The following DYNC1I1 variants were observed in gnomAD, a reference collection of about 807,000 sequenced individuals.
The protein encoded by DYNC1I1 is dynein cytoplasmic 1 intermediate chain 1.
DYNC1I1 carries 43 observed loss-of-function variants against 86.6 expected under a neutral mutation model. That is an observed-to-expected ratio of 0.50 (90% CI 0.39 to 0.64). The LOEUF is 0.64. Ranked by LOEUF, DYNC1I1 falls within the 30% of genes least tolerant of loss-of-function variation. DYNC1I1 has a pLI of 0.00. For missense variants in DYNC1I1, 604 were observed against 788.8 expected, an observed-to-expected ratio of 0.77 and a Z score of 2.81; for synonymous variants, 262 against 283.7, an observed-to-expected ratio of 0.92 and a Z score of 0.77.
chr7:96,106,347 A>C (rs1388088552), intron 16 of DYNC1I1, among the ~76,000 whole-genome samples: 3 of 152,116 alleles, frequency 2.0e-5, no homozygotes, highest in African/African-American at 7.2e-5. Context: ...CAACCTGACC[A>C]ACATGGTGAA....
chr7:96,006,109 T>A (rs1229751192), intron 10 of DYNC1I1, among the ~76,000 whole-genome samples: 1 of 152,194 alleles, frequency 6.6e-6, no homozygotes, highest in Non-Finnish European at 1.5e-5. Context: ...CATTTTGTTT[T>A]AAACATGGAG....
intron 9 of DYNC1I1, among the ~76,000 whole-genome samples, chr7:95,990,797 C>A (rs1426839434): frequency 6.6e-6 from 1 of 152,062 alleles, no homozygotes; most frequent in Non-Finnish European, 1.5e-5. Context: ...TGGGAGGCCA[C>A]AGCAGGAGGA....
At chr7:95,835,656 C>T (rs1789065430) in intron 5 of DYNC1I1, among the ~76,000 whole-genome samples, 2 of 152,062 alleles carry the variant, frequency 1.3e-5, no homozygotes, top group African/African-American at 4.8e-5. Context: ...CTGGGTGCTC[C>T]TGTATTGGGT....
At chr7:95,895,053 C>T (rs1790844802) in intron 6 of DYNC1I1, among the ~76,000 whole-genome samples, 1 of 152,130 alleles carries the variant, frequency 6.6e-6, no homozygotes, top group African/African-American at 2.4e-5. Context: ...AATGGTTTCA[C>T]CGGGATTCAG....
intron 5 of DYNC1I1, among the ~76,000 whole-genome samples, chr7:95,859,622 G>A (rs187122086): frequency 8.6e-4 from 131 of 152,324 alleles, no homozygotes; most frequent in Non-Finnish European, 1.3e-3. Context: ...GCTGAAGCCT[G>A]CCTGCCACTG....
intron 16 of DYNC1I1, among the ~76,000 whole-genome samples, chr7:96,092,582 T>C (rs1021141987): frequency 6.6e-6 from 1 of 152,250 alleles, no homozygotes; most frequent in East Asian, 1.9e-4. Flanking sequence ...CCTTTAGGTA[T>C]ACAGGACACC....
intron 1 of DYNC1I1, among the ~76,000 whole-genome samples, chr7:95,780,328 C>T (rs185467094): frequency 2.0e-5 from 3 of 151,812 alleles, no homozygotes; most frequent in African/African-American, 7.3e-5. Context: ...AGTGCAGTGG[C>T]ATGATCTTGG....
chr7:95,887,053 A>G (rs1488502), intron 6 of DYNC1I1, among the ~76,000 whole-genome samples: 4,332 of 152,302 alleles, frequency 0.028, 178 homozygotes, highest in East Asian at 0.12. Flanking sequence ...CCTCGTGGGC[A>G]TAGGAGGTCC....
At chr7:95,789,888 A>G (rs760141503) in intron 1 of DYNC1I1, among the ~76,000 whole-genome samples, 3 of 152,228 alleles carry the variant, frequency 2.0e-5, no homozygotes, top group Admixed American at 1.3e-4. Flanking sequence ...CAGTAAATGT[A>G]TGTATGTGTG....
chr7:96,058,455 C>T (rs943465311), intron 14 of DYNC1I1, among the ~76,000 whole-genome samples: 5 of 152,078 alleles, frequency 3.3e-5, no homozygotes, highest in African/African-American at 1.2e-4. Context: ...TACATCTAGA[C>T]AAAGAACAAG....
chr7:95,950,163 C>T (rs143310), intron 6 of DYNC1I1, among the ~76,000 whole-genome samples: 122,263 of 152,160 alleles, frequency 0.8, 49,427 homozygotes, highest in East Asian at 0.93. Flanking sequence ...ATGTGAAAAA[C>T]GAGCCTTGCG....
At chr7:95,960,253 G>A (rs1433745444) in intron 6 of DYNC1I1, among the ~76,000 whole-genome samples, 1 of 151,798 alleles carries the variant, frequency 6.6e-6, no homozygotes, top group Non-Finnish European at 1.5e-5. Context: ...ATTACAGGCG[G>A]ACACCACCAC....
At chr7:96,078,451 T>C (rs539669552) in intron 15 of DYNC1I1, among the ~76,000 whole-genome samples, 2 of 152,308 alleles carry the variant, frequency 1.3e-5, no homozygotes, top group Admixed American at 6.5e-5. Context: ...TTCATGCATT[T>C]ATGAATTTTC....
intron 5 of DYNC1I1, among the ~76,000 whole-genome samples, chr7:95,847,559 G>T (rs1789467190): frequency 6.6e-6 from 1 of 152,106 alleles, no homozygotes; most frequent in African/African-American, 2.4e-5. Context: ...TCTTGCAGCT[G>T]TCAATTTCTT....
intron 14 of DYNC1I1, among the ~76,000 whole-genome samples, chr7:96,039,794 G>T (rs889782655): frequency 1.3e-5 from 2 of 151,854 alleles, no homozygotes; most frequent in Non-Finnish European, 2.9e-5. Context: ...GAGCTTGGTG[G>T]TATCTACTTA....
At chr7:95,935,379 A>G (rs1471904821) in intron 6 of DYNC1I1, among the ~76,000 whole-genome samples, 3 of 152,072 alleles carry the variant, frequency 2.0e-5, no homozygotes, top group South Asian at 2.1e-4. Flanking sequence ...TCAAATGTCA[A>G]TGAACATTTA....
At chr7:96,088,293 TA>T (rs1790742703) in intron 16 of DYNC1I1, among the ~76,000 whole-genome samples, 1 of 152,180 alleles carries the variant, frequency 6.6e-6, no homozygotes, top group African/African-American at 2.4e-5. Context: ...TCTAATATTA[TA>T]AACAGCAAAT....
At chr7:95,950,068 T>C (rs1357135292) in intron 6 of DYNC1I1, among the ~76,000 whole-genome samples, 11 of 152,194 alleles carry the variant, frequency 7.2e-5, no homozygotes, top group Admixed American at 7.2e-4. Flanking sequence ...TTGAATTCTT[T>C]CCTTTTTCCT....
downstream of DYNC1I1, among the ~76,000 whole-genome samples, chr7:96,102,893 A>G (rs1325414917): frequency 6.6e-6 from 1 of 152,228 alleles, no homozygotes; most frequent in Non-Finnish European, 1.5e-5. Context: ...GCCATAGGAT[A>G]TAAACTTAAC....
Sources: allele counts gnomAD v4.1 joint callset (sites outside exome capture counted in the v4.1 genomes callset), GRCh38; gene constraint gnomAD v4.1.1; transcripts MANE v1.5; gene names NCBI Gene and HGNC (gene_info 2026-07-23, HGNC 2026-07-21).